Variants in MMP20 observed in about 807,000 individuals in gnomAD.
MMP20 encodes the protein matrix metallopeptidase 20, also known as matrix metalloproteinase-20.
Under a neutral mutation model 51.8 loss-of-function variants are expected in MMP20, and 50 were observed. The ratio of observed to expected loss-of-function variants is 0.97; its 90% CI spans 0.77 to 1.22. The LOEUF is 1.22. Ranked by LOEUF, MMP20 falls within the 50% of genes most tolerant of loss-of-function variation. The pLI is 0.00. For synonymous variants in MMP20, 244 were observed against 216.2 expected (o/e 1.13, Z -1.13); for missense variants, 663 against 601.4 (o/e 1.10, Z -1.07).
In MMP20 at chr11:102,593,549, A is replaced by G; in HGVS notation, c.1137T>C (p.Pro379=). 6.2e-7 allele frequency: 1 copy of G among 1,614,174 alleles called. No individual in the cohort carries two copies. ...ITRGFQMQGP[P]RTIYDFGFPR... is the part of the protein sequence containing the mutation. ...GAAATCCAAAGTCATAAATAGTCCG[A>G]GGAGGACCTTGCATTTGGAATCCTC... is the stretch of plus-strand genomic sequence containing the variant. Residue 379 remains proline (P), a synonymous_variant, in exon 8 of 10, where the codon CCT becomes CCC. Coordinates refer to ENST00000260228, the MANE Select transcript of MMP20 (RefSeq NM_004771.4).
At chr11:102,608,486 G>C (rs760052408) in intron 5 of MMP20, among the ~76,000 whole-genome samples, 1 of 152,210 alleles carries the variant, frequency 6.6e-6, no homozygotes, top group Non-Finnish European at 1.5e-5. Context: ...TGAGGCTGGT[G>C]TAAGACTACA....
intron 8 of MMP20, among the ~76,000 whole-genome samples, chr11:102,588,693 A>C (rs1859281432): frequency 6.6e-6 from 1 of 151,956 alleles, no homozygotes; most frequent in South Asian, 2.1e-4. Context: ...TGCTCTCTGG[A>C]TTTTTGTGGG....
At chr11:102,611,991 G>A (rs1006531605) in intron 2 of MMP20, 88 bp from the exon 3 acceptor site, 8 of 1,271,736 alleles carry the variant, frequency 6.3e-6, no homozygotes, top group Admixed American at 5.4e-5. Flanking sequence ...AATGTTAAAT[G>A]TAAATCTACA....
At chr11:102,599,538 A>G (rs1383638151) in intron 6 of MMP20, among the ~76,000 whole-genome samples, 3 of 152,256 alleles carry the variant, frequency 2.0e-5, no homozygotes, top group Non-Finnish European at 4.4e-5. Flanking sequence ...GAAATAATGC[A>G]TATGAAAGTG....
chr11:102,609,833 C>G, intron 4 of MMP20, 72 bp downstream of exon 4: 1 of 1,608,230 alleles, frequency 6.2e-7, no homozygotes, highest in Non-Finnish European at 8.5e-7. Flanking sequence ...GACGTTGAAC[C>G]TCAAGGTTTC....
chr11:102,593,315 T>C, intron 8 of MMP20, 124 bp downstream of exon 8: 1 of 890,802 alleles, frequency 1.1e-6, no homozygotes, highest in Non-Finnish European at 1.7e-6. Context: ...CGCACCCCAG[T>C]GGCCGAGAAG....
At chr11:102,579,175 C>A in intron 8 of MMP20, 33 bp from the exon 9 acceptor site, 1 of 1,482,618 alleles carries the variant, frequency 6.7e-7, no homozygotes, top group Non-Finnish European at 9.4e-7. Context: ...AATAATATTA[C>A]TAAGAGGTTT....
chr11:102,606,392 C>A (rs1198429664), intron 6 of MMP20, 143 bp downstream of exon 6: 14 of 1,106,388 alleles, frequency 1.3e-5, no homozygotes, highest in Non-Finnish European at 1.7e-5. Flanking sequence ...CCCCCAAAGA[C>A]CCCTGCCTAC....
chr11:102,610,723 TA>T (rs1374838578), intron 3 of MMP20, among the ~76,000 whole-genome samples: 1 of 151,398 alleles, frequency 6.6e-6, no homozygotes, highest in Non-Finnish European at 1.5e-5. Context: ...GTTTACCACT[TA>T]AAAAAATCTT....
At chr11:102,586,065 T>C (rs1711403) in intron 8 of MMP20, among the ~76,000 whole-genome samples, 66,995 of 151,942 alleles carry the variant, frequency 0.44, 15,087 homozygotes, top group South Asian at 0.6. Context: ...GCTTTATTTT[T>C]TTGTCATGTT....
intron 2 of MMP20, among the ~76,000 whole-genome samples, 197 bp downstream of exon 2, chr11:102,616,615 T>A (rs1028812396): frequency 6.6e-6 from 1 of 152,244 alleles, no homozygotes; most frequent in Non-Finnish European, 1.5e-5. Flanking sequence ...CCAGTCATTA[T>A]GATAATCCTA....
intron 6 of MMP20, among the ~76,000 whole-genome samples, chr11:102,600,859 A>C (rs1307492798): frequency 6.6e-6 from 1 of 151,854 alleles, no homozygotes. Context: ...ATTCCAAACT[A>C]TCCTGGCCAC....
chr11:102,623,015 C>A (rs1029590762), intron 1 of MMP20, among the ~76,000 whole-genome samples: 6 of 152,150 alleles, frequency 3.9e-5, no homozygotes, highest in African/African-American at 1.4e-4. Flanking sequence ...CCATTGCAAG[C>A]AAAGGTGCTG....
chr11:102,616,723 C>T (rs548075365), intron 2 of MMP20, 89 bp downstream of exon 2: 365 of 1,538,108 alleles, frequency 2.4e-4, no homozygotes, highest in Non-Finnish European at 2.9e-4. Context: ...GATTTTTATA[C>T]GGATGAGAAG....
Position 102,594,754 on chromosome 11 carries a change from A to G in MMP20, c.957T>C (p.Ile319=). The G allele has an allele frequency of 1.9e-6, 3 of 1,600,870 alleles. No homozygotes were observed. Among genetic ancestry groups the G allele is most frequent in the Non-Finnish European group, 1.7e-6 (2 of 1,176,468 alleles). ...GKELLLFKDR[I]FWRRQVHLRT... ...GCAAGTGAACCTGCCGTCTCCAGAA[A>G]ATCCTATGGGACATTCCAAAAAAAA... The change falls in exon 7 of 10, where the codon ATT becomes ATC. Residue 319 remains isoleucine (I), a synonymous_variant. Transcript: ENST00000260228.
At chr11:102,582,626 G>A (rs944338252) in intron 8 of MMP20, among the ~76,000 whole-genome samples, 1 of 152,190 alleles carries the variant, frequency 6.6e-6, no homozygotes, top group Non-Finnish European at 1.5e-5. Flanking sequence ...AATCCCAGAT[G>A]AGGGTCAGGA....
chr11:102,583,677 C>A (rs1325082644), intron 8 of MMP20: 8 of 152,172 alleles, frequency 5.3e-5, no homozygotes, highest in Admixed American at 5.2e-4. Flanking sequence ...GCAAGCGATG[C>A]ATGACTATAG....
At chr11:102,601,165 C>G (rs1341468600) in intron 6 of MMP20, among the ~76,000 whole-genome samples, 1 of 17,068 alleles carries the variant, frequency 5.9e-5, no homozygotes, top group Non-Finnish European at 1.3e-4. Flanking sequence ...CGGAGTCTCG[C>G]TCTGTCGCCC....
At chr11:102,604,181 C>G (rs1217292676) in intron 6 of MMP20, among the ~76,000 whole-genome samples, 5 of 152,154 alleles carry the variant, frequency 3.3e-5, no homozygotes, top group Admixed American at 1.3e-4. Context: ...TGCTTTATCA[C>G]TGAATGAGTG....
Sources: gnomAD v4.1 joint callset for allele counts (sites outside exome capture counted in the v4.1 genomes callset) on GRCh38, gnomAD v4.1.1 for gene constraint, MANE v1.5 for transcripts, NCBI Gene and HGNC (gene_info 2026-07-23, HGNC 2026-07-21) for gene names.